ZDBF2: variants seen among roughly 807,000 people sequenced by gnomAD.
ZDBF2 encodes zinc finger DBF-type containing 2.
A neutral mutation model predicts 9.4 loss-of-function variants in ZDBF2; 6 were observed. The ratio of observed to expected loss-of-function variants is 0.64; its 90% CI spans 0.35 to 1.27. The LOEUF is 1.27. Among genes scored for constraint, ZDBF2 ranks in the 50% most tolerant of loss-of-function variants. The pLI is 0.03. For synonymous variants in ZDBF2, 905 were observed against 946.3 expected, an observed-to-expected ratio of 0.96 and a Z score of 0.80; for missense variants, 2,697 against 2,766.8, an observed-to-expected ratio of 0.97 and a Z score of 0.57.
chr2:206,279,146 A>G (rs1428496806), intron 1 of ZDBF2, among the ~76,000 whole-genome samples: 1 of 152,234 alleles, frequency 6.6e-6, no homozygotes. Context: ...AAGAATTGAC[A>G]GTATTTTTCA....
rs780770969 is a variant in ZDBF2 at position 206,309,265 on chromosome 2, T to C, written c.4737T>C (p.Gly1579=). The C allele has an allele frequency of 6.2e-7, 1 of 1,610,866 alleles. No homozygotes were observed. Among genetic ancestry groups the C allele is most frequent in the African/African-American group, 1.3e-5 (1 of 75,016 alleles). The change falls in exon 5 of 5, where the codon GGT becomes GGC. Residue 1579 remains glycine (G), a synonymous_variant. Coordinates refer to ENST00000374423, the MANE Select transcript of ZDBF2 (RefSeq NM_020923.3). ...AAGATAAGAGCTGTGACTTTTTTGGTTCTGAAGTCAGATGTAATTGTAAAG... is the reference window on the plus strand; with the variant it reads ...AAGATAAGAGCTGTGACTTTTTTGGCTCTGAAGTCAGATGTAATTGTAAAG... ...DIEDKSCDFF[G]SEVRCNCKAS...
At position 206,310,380 on chromosome 2, in the gene ZDBF2, A is replaced by G. The variant is rs1324676640; in HGVS notation, c.5852A>G (p.Lys1951Arg). Residue 1951 changes from lysine (K) to arginine (R), a missense_variant, in exon 5 of 5, where the codon AAG becomes AGG. Physicochemically the swap from Lys to Arg is conservative, Grantham distance 26. This residue lies in a region of ZDBF2 where 1,783 missense variants were observed against 1,776.5 expected (regional missense o/e 1.00). Coordinates refer to ENST00000374423, the MANE Select transcript of ZDBF2 (RefSeq NM_020923.3). ...AGCCATAGTACTCAGACCAGTTGTAAGAATTACCCAGTGATGAAAAGAAAA... is the reference window on the plus strand; with the variant it reads ...AGCCATAGTACTCAGACCAGTTGTAGGAATTACCCAGTGATGAAAAGAAAA... Reference protein sequence around the residue: ...KISHSTQTSCKNYPVMKRKII... With the variant: ...KISHSTQTSCRNYPVMKRKII... 5.6e-6 allele frequency: 9 copies of G among 1,613,970 alleles called. No individual in the cohort carries two copies. The East Asian group carries it at 2.0e-4, about 36-fold the overall frequency.
chr2:206,305,149 A>G lies in ZDBF2; in HGVS notation c.621A>G (p.Leu207=), dbSNP rs1692709090. 2 of 1,613,722 alleles carry G rather than the reference A, an allele frequency of 1.2e-6. No homozygotes were observed. The highest frequency in any genetic ancestry group is 1.7e-5 in the Admixed American group (1 of 59,952). The change falls in exon 5 of 5, where the codon TTA becomes TTG. Residue 207 remains leucine, a synonymous_variant. Coordinates refer to ENST00000374423, the MANE Select transcript of ZDBF2 (RefSeq NM_020923.3). ...DRPVTANTTS[L]PPAAHLDSVS... ...CAGTTACAGCTAATACAACTAGTTT[A>G]CCACCAGCAGCTCATTTGGATTCAG...
rs1574429324 is a variant in ZDBF2 at position 206,312,582 on chromosome 2, T to G, written c.*989T>G. 6.6e-6 allele frequency: 1 copy of G among 151,958 alleles called. No homozygotes were observed. Among genetic ancestry groups the G allele is most frequent in the South Asian group, 2.1e-4 (1 of 4,806 alleles). 9.4% of individuals were successfully genotyped at this position (151,958 alleles called of 1,614,324 possible). A position where few individuals can be genotyped will look rare whatever the true frequency, so the allele number is the denominator to read the frequency against. ...GGCGTGCGCCACCATGCCCGGCTAATTTTTGTATTTTTAGTAGAGTTGGGG... is the reference window on the plus strand; with the variant it reads ...GGCGTGCGCCACCATGCCCGGCTAAGTTTTGTATTTTTAGTAGAGTTGGGG... On this transcript the variant is annotated 3_prime_UTR_variant, in exon 5 of 5. Coordinates refer to ENST00000374423, the MANE Select transcript of ZDBF2 (RefSeq NM_020923.3).
At position 206,306,309 on chromosome 2, in the gene ZDBF2, A is replaced by G. The variant is rs1692792616; in HGVS notation, c.1781A>G (p.Asp594Gly). 2 of 1,613,576 alleles carry G rather than the reference A, an allele frequency of 1.2e-6. No individual in the cohort carries two copies. The highest frequency in any genetic ancestry group is 1.7e-5 in the Admixed American group (1 of 59,940). The change falls in exon 5 of 5, where the codon GAT becomes GGT. Residue 594 changes from aspartate (D) to glycine (G), a missense_variant. Transcript: ENST00000374423. Reference sequence around the variant, plus strand: ...GATGTTTCTCTTGAGTCAGTAGTTGATCATCCCCAACTGACTGTCAAAGGA... The same window carrying G: ...GATGTTTCTCTTGAGTCAGTAGTTGGTCATCCCCAACTGACTGTCAAAGGA... ...DCDVSLESVV[D>G]HPQLTVKGRN...
At position 206,306,777 on chromosome 2, in the gene ZDBF2, T is replaced by G; in HGVS notation, c.2249T>G (p.Leu750Trp). 3 of 1,613,876 alleles carry G rather than the reference T, an allele frequency of 1.9e-6. No homozygotes were observed. The highest frequency in any genetic ancestry group is 2.5e-6 in the Non-Finnish European group (3 of 1,179,802). The change falls in exon 5 of 5, where the codon TTG (leucine) becomes TGG (tryptophan). Residue 750 changes from leucine to tryptophan, a missense_variant. Transcript: ENST00000374423. ...AGCTATGATTGCTCCAGCTCTGAGT[T>G]GACTTTTGATTCTGACCCGCCTCTT... is the stretch of plus-strand genomic sequence containing the variant. ...VRSYDCSSSE[L>W]TFDSDPPLLS...
chr2:206,285,241 G>A (rs555748560), intron 3 of ZDBF2, among the ~76,000 whole-genome samples: 94 of 152,216 alleles, frequency 6.2e-4, no homozygotes, highest in African/African-American at 2.2e-3. Context: ...TTTCCATAAT[G>A]ACTATAATAA....
chr2:206,283,880 C>G (rs1443273207), intron 3 of ZDBF2, among the ~76,000 whole-genome samples: 1 of 152,176 alleles, frequency 6.6e-6, no homozygotes, highest in East Asian at 1.9e-4. Flanking sequence ...CCAGGCTGGT[C>G]TCAAACTCCT....
At chr2:206,297,165 A>G (rs1692225099) in intron 3 of ZDBF2, 81 bp from the exon 4 acceptor site, 1 of 600,852 alleles carries the variant, frequency 1.7e-6, no homozygotes, top group Non-Finnish European at 2.9e-6. Context: ...TACCAAGAGT[A>G]TAGAAATGAA....
At chr2:206,285,753 T>A (rs917849702) in intron 3 of ZDBF2, among the ~76,000 whole-genome samples, 1 of 152,208 alleles carries the variant, frequency 6.6e-6, no homozygotes, top group Non-Finnish European at 1.5e-5. Context: ...TTCCCCTGTG[T>A]TTTCGTCTAG....
Position 206,313,954 on chromosome 2 carries a change from T to C in ZDBF2, c.*2361T>C, listed in dbSNP as rs1390453934. 6.6e-6 allele frequency: 1 copy of C among 152,194 alleles called. No individual in the cohort carries two copies. The highest frequency in any genetic ancestry group is 2.4e-5 in the African/African-American group (1 of 41,466). 9.4% of individuals were successfully genotyped at this position (152,194 alleles called of 1,614,324 possible). A position where few individuals can be genotyped will look rare whatever the true frequency, so the allele number is the denominator to read the frequency against. On this transcript the variant is annotated 3_prime_UTR_variant, in exon 5 of 5. Transcript: ENST00000374423. ...GTTGAAACTTATAATTTAAATTAAA[T>C]TGGAAATTACTTTCAGAATTTGGTA...
chr2:206,291,777 TA>T (rs1267196706), intron 3 of ZDBF2, among the ~76,000 whole-genome samples: 1 of 152,202 alleles, frequency 6.6e-6, no homozygotes, highest in Non-Finnish European at 1.5e-5. Flanking sequence ...TTGCTATTAA[TA>T]ATATTTTGTT....
intron 3 of ZDBF2, among the ~76,000 whole-genome samples, chr2:206,291,633 A>G (rs1233523889): frequency 3.3e-5 from 5 of 152,202 alleles, no homozygotes; most frequent in African/African-American, 1.2e-4. Flanking sequence ...TAACATGTGA[A>G]TTTTGGGGGG....
rs1574421584 is a variant in ZDBF2, at chr2:206,308,559, C to G, written c.4031C>G (p.Pro1344Arg). ...CCTCTTCAGTCAGTGATAAAACAACCACACATTTTGGAAGAGGAGCATGCC... is the reference window on the plus strand; with the variant it reads ...CCTCTTCAGTCAGTGATAAAACAACGACACATTTTGGAAGAGGAGCATGCC... The part of the protein sequence containing the change: ...NIPLQSVIKQ[P>R]HILEEEHASL... Residue 1344 changes from proline to arginine, a missense_variant, in exon 5 of 5, where the codon CCA becomes CGA. Physicochemically the swap from Pro to Arg is moderately radical, Grantham distance 103. Coordinates refer to ENST00000374423, the MANE Select transcript of ZDBF2 (RefSeq NM_020923.3). 2 of 1,613,494 alleles carry G rather than the reference C, an allele frequency of 1.2e-6. No individual in the cohort carries two copies. The highest frequency in any genetic ancestry group is 4.5e-5 in the East Asian group (2 of 44,864).
chr2:206,294,440 T>C (rs1230492642), intron 3 of ZDBF2, among the ~76,000 whole-genome samples: 1 of 152,232 alleles, frequency 6.6e-6, no homozygotes, highest in Non-Finnish European at 1.5e-5. Context: ...TTTTTTCTTT[T>C]TGCCTTGGCA....
In ZDBF2 at chr2:206,308,836, G is replaced by A; in HGVS notation, c.4308G>A (p.Lys1436=). The A allele has an allele frequency of 6.2e-7, 1 of 1,613,808 alleles. No individual in the cohort carries two copies. The highest frequency in any genetic ancestry group is 8.5e-7 in the Non-Finnish European group (1 of 1,179,834). Residue 1436 remains lysine (K), a synonymous_variant, in exon 5 of 5, where the codon AAG becomes AAA. Transcript: ENST00000374423. Reference sequence around the variant, plus strand: ...CTGTCAAAGAAATAAACTTGCAAAAGAAGGATCATAATGATCTAGAAAATA... The same window carrying A: ...CTGTCAAAGAAATAAACTTGCAAAAAAAGGATCATAATGATCTAGAAAATA... ...SVPVKEINLQ[K]KDHNDLENKN... is the part of the protein sequence containing the mutation.
intron 1 of ZDBF2, among the ~76,000 whole-genome samples, chr2:206,276,672 A>C (rs1305570995): frequency 6.6e-6 from 1 of 152,256 alleles, no homozygotes; most frequent in East Asian, 1.9e-4. Flanking sequence ...ACCTGCAACA[A>C]GATACCTCTT....
chr2:206,275,370 C>A (rs894367865), intron 1 of ZDBF2, among the ~76,000 whole-genome samples: 1 of 152,186 alleles, frequency 6.6e-6, no homozygotes, highest in African/African-American at 2.4e-5. Context: ...ACACCCCCTT[C>A]CCCCAGTGCC....
rs1559126463 is a variant in ZDBF2 at position 206,274,686 on chromosome 2, C to T, written c.-363C>T. The T allele has an allele frequency of 6.6e-6, 1 of 152,236 alleles. No homozygotes were observed. 9.4% of individuals were successfully genotyped at this position (152,236 alleles called of 1,614,324 possible). On this transcript the variant is annotated 5_prime_UTR_variant, in exon 1 of 5. Transcript: ENST00000374423. ...TCAAACCTCCATCAGGGTTGCAACG[C>T]CACGTTGCCTTGGATGCCTGCGTGA...
Sources: allele counts gnomAD v4.1 joint callset (sites outside exome capture counted in the v4.1 genomes callset), GRCh38; gene constraint gnomAD v4.1.1; regional missense constraint gnomAD v4.1.1; transcripts MANE v1.5; gene names NCBI Gene and HGNC (gene_info 2026-07-23, HGNC 2026-07-21).